Variants in AP1G1 observed in about 807,000 individuals in gnomAD.
AP1G1 encodes AP-1 complex subunit gamma-1.
A neutral mutation model predicts 108.3 loss-of-function variants in AP1G1; 7 were observed. The ratio of observed to expected loss-of-function variants is 0.06; its 90% CI spans 0.04 to 0.12. The LOEUF (loss-of-function observed/expected upper bound fraction) is 0.12, where lower values mean the gene tolerates loss of function less well. AP1G1 is among the 10% of genes least tolerant of loss of function. The pLI, the probability that AP1G1 is intolerant of heterozygous loss-of-function variation, is 1.00. For missense variants in AP1G1, 756 were observed against 1,010.7 expected, an observed-to-expected ratio of 0.75 and a Z score of 3.42; for synonymous variants, 379 against 353.5, an observed-to-expected ratio of 1.07 and a Z score of -0.81.
Position 71,754,640 on chromosome 16 carries a change from A to T in AP1G1, c.1230-753T>A, listed in dbSNP as rs527663799. Reference sequence around the variant, plus strand: ...AGCAAGACCCCATCTCTACAAAATAAAAATTAAAAAATTAGTGGCACATGA... The same window carrying T: ...AGCAAGACCCCATCTCTACAAAATATAAATTAAAAAATTAGTGGCACATGA... On this transcript the variant is annotated intron_variant, in intron 12 of 22. Coordinates refer to ENST00000299980, the MANE Select transcript of AP1G1 (RefSeq NM_001128.6). Among the ~76,000 whole-genome samples, 3 of 152,254 alleles carry T rather than the reference A, an allele frequency of 2.0e-5. No homozygotes were observed. The South Asian group carries it at 6.2e-4, about 32-fold the overall frequency.
intron 5 of AP1G1, among the ~76,000 whole-genome samples, chr16:71,770,882 A>G (rs566100351): frequency 6.6e-6 from 1 of 152,360 alleles, no homozygotes; most frequent in East Asian, 1.9e-4. Context: ...TCATTTGTAT[A>G]TTACACTAAA....
chr16:71,782,286 C>A (rs1408220109), intron 2 of AP1G1, among the ~76,000 whole-genome samples: 2 of 151,870 alleles, frequency 1.3e-5, no homozygotes, highest in African/African-American at 4.8e-5. Flanking sequence ...GCCTCAGCCT[C>A]CGGAATACCT....
intron 5 of AP1G1, among the ~76,000 whole-genome samples, chr16:71,770,465 T>TA (rs2031526962): frequency 6.6e-6 from 1 of 152,236 alleles, no homozygotes; most frequent in Non-Finnish European, 1.5e-5. Context: ...CTGTCAGAAA[T>TA]AACCCAAAAG....
At chr16:71,768,029 C>A in intron 6 of AP1G1, 1 of 788,428 alleles carries the variant, frequency 1.3e-6, no homozygotes, top group Non-Finnish European at 2.1e-6. Flanking sequence ...AAAAGAACTC[C>A]TGTTAGAGCC....
intron 21 of AP1G1, among the ~76,000 whole-genome samples, chr16:71,737,829 C>T (rs2045568824): frequency 6.6e-6 from 1 of 152,260 alleles, no homozygotes; most frequent in African/African-American, 2.4e-5. Context: ...CAAACTATGG[C>T]CCACTGGCCA....
chr16:71,796,585 A>C (rs1166934291), intron 1 of AP1G1, among the ~76,000 whole-genome samples: 2 of 152,120 alleles, frequency 1.3e-5, no homozygotes, highest in East Asian at 3.9e-4. Flanking sequence ...GATTGGTCTC[A>C]ATCACCCCTA....
At chr16:71,754,270 G>A (rs948762758) in intron 12 of AP1G1, among the ~76,000 whole-genome samples, 1 of 147,890 alleles carries the variant, frequency 6.8e-6, no homozygotes, top group Non-Finnish European at 1.5e-5. Context: ...AAGAAAGAAG[G>A]AAAGAAGATG....
chr16:71,768,979 A>C (rs1410372571), intron 6 of AP1G1, among the ~76,000 whole-genome samples: 908 of 10,704 alleles, frequency 0.085, no homozygotes, highest in South Asian at 0.21. Flanking sequence ...AAAAAAATAC[A>C]AAAAAAAAAA....
intron 1 of AP1G1, among the ~76,000 whole-genome samples, chr16:71,805,551 TAAGA>T (rs1206634354): frequency 6.6e-6 from 1 of 152,176 alleles, no homozygotes; most frequent in Non-Finnish European, 1.5e-5. Flanking sequence ...AAGCTCTAAG[TAAGA>T]GTTTTAAAGT....
intron 2 of AP1G1, among the ~76,000 whole-genome samples, chr16:71,782,325 G>A (rs1006946416): frequency 4.0e-5 from 6 of 150,342 alleles, no homozygotes; most frequent in South Asian, 2.1e-4. Flanking sequence ...CACCATGCCC[G>A]GCTAATTTTT....
In AP1G1 at chr16:71,765,592, G is replaced by A; in HGVS notation, c.643-8C>T. On this transcript the variant is annotated splice_region_variant and splice_polypyrimidine_tract_variant and intron_variant, in intron 6 of 22. Coordinates refer to ENST00000299980, the MANE Select transcript of AP1G1 (RefSeq NM_001128.6). ...AACTAATTGGGGCACAAGCTGCAGA[G>A]AAGAAAGATGCATCAAAAAACAGTG... is the stretch of plus-strand genomic sequence containing the variant. 1 of 1,595,230 alleles carries A rather than the reference G, an allele frequency of 6.3e-7. No homozygotes were observed. The highest frequency in any genetic ancestry group is 8.6e-7 in the Non-Finnish European group (1 of 1,163,040).
At chr16:71,808,541 C>G (rs1437523559) in intron 1 of AP1G1, 1 of 1,285,168 alleles carries the variant, frequency 7.8e-7, no homozygotes, top group Non-Finnish European at 1.0e-6. Context: ...CGCCGCGGCG[C>G]GCGGAACCTC....
chr16:71,808,324 G>A (rs868137545), intron 1 of AP1G1: 1 of 756,702 alleles, frequency 1.3e-6, no homozygotes, highest in Non-Finnish European at 1.8e-6. Context: ...GATTAACTGG[G>A]CATTTGGATA....
chr16:71,733,114 A>T lies in AP1G1; in HGVS notation c.2413T>A (p.Ser805Thr). Residue 805 changes from serine (S) to threonine (T), a missense_variant, in exon 23 of 23, where the codon TCA becomes ACA. Physicochemically the swap from Ser to Thr is moderately conservative, Grantham distance 58. This residue lies in a region of AP1G1 where 95 missense variants were observed against 160.5 expected (regional missense o/e 0.59). Transcript: ENST00000299980. ...ACCTCTGCTAGATCTTGCATTGCTG[A>T]GCCCTTGTGATTATATGTAAGCTTG... ...RIKLTYNHKG[S>T]AMQDLAEVNN... 1 of 1,614,154 alleles carries T rather than the reference A, an allele frequency of 6.2e-7. No individual in the cohort carries two copies. The highest frequency in any genetic ancestry group is 1.1e-5 in the South Asian group (1 of 91,084).
intron 13 of AP1G1, chr16:71,750,572 A>C: frequency 2.7e-6 from 1 of 369,308 alleles, no homozygotes; most frequent in Non-Finnish European, 5.0e-6. Flanking sequence ...ATGCCACCAC[A>C]CCTGGCTAAT....
intron 9 of AP1G1, 139 bp downstream of exon 9, chr16:71,764,211 A>T: frequency 1.8e-6 from 1 of 561,540 alleles, no homozygotes; most frequent in Non-Finnish European, 3.1e-6. Flanking sequence ...AGATACCAAA[A>T]ATCCAGCATT....
rs1056675465 is a variant in AP1G1 at position 71,808,809 on chromosome 16, G to A, written c.-50C>T. On this transcript the variant is annotated 5_prime_UTR_variant, in exon 1 of 23. Transcript: ENST00000299980. Reference sequence around the variant, plus strand: ...ACCAGCAGCTCCGGGGGCGGCGGCAGCAGTGGCAGCAGGAACCGAACATCC... The same window carrying A: ...ACCAGCAGCTCCGGGGGCGGCGGCAACAGTGGCAGCAGGAACCGAACATCC... 12 of 1,289,610 alleles carry A rather than the reference G, an allele frequency of 9.3e-6. No individual in the cohort carries two copies. The South Asian group carries it at 1.5e-4, about 16-fold the overall frequency. The allele number at this position is 1,289,610 out of a possible 1,614,324, so 79.9% of individuals were successfully genotyped here.
intron 2 of AP1G1, among the ~76,000 whole-genome samples, chr16:71,782,141 C>T (rs2032042226): frequency 6.6e-6 from 1 of 152,242 alleles, no homozygotes; most frequent in African/African-American, 2.4e-5. Context: ...GCAATATAAA[C>T]GTTTATTTCA....
intron 2 of AP1G1, among the ~76,000 whole-genome samples, chr16:71,784,102 A>T (rs2145512838): frequency 6.6e-6 from 1 of 152,312 alleles, no homozygotes; most frequent in African/African-American, 2.4e-5. Flanking sequence ...CCATATAAAA[A>T]ATCTCTTAGA....
Sources: gnomAD v4.1 joint callset for allele counts (sites outside exome capture counted in the v4.1 genomes callset) on GRCh38, gnomAD v4.1.1 for gene constraint, gnomAD v4.1.1 regional missense constraint, MANE v1.5 for transcripts, NCBI Gene and HGNC (gene_info 2026-07-23, HGNC 2026-07-21) for gene names.